SCFD2: variants seen among roughly 807,000 people sequenced by gnomAD.
SCFD2 encodes the protein sec1 family domain-containing protein 2.
A neutral mutation model predicts 58.9 loss-of-function variants in SCFD2; 54 were observed. The ratio of observed to expected loss-of-function variants is 0.92; its 90% CI spans 0.74 to 1.15. The LOEUF is 1.15. SCFD2 is among the 50% of genes most tolerant of loss of function. The probability of loss-of-function intolerance (pLI) is 0.00; values close to 1 mark genes in which losing one functional copy is unlikely to be tolerated. For missense variants in SCFD2, 805 were observed against 836.6 expected (o/e 0.96, Z 0.47); for synonymous variants, 321 against 335.9 (o/e 0.96, Z 0.49).
chr4:53,081,114 G>A (rs560350068), intron 5 of SCFD2, among the ~76,000 whole-genome samples: 47 of 152,224 alleles, frequency 3.1e-4, no homozygotes, highest in South Asian at 6.2e-4. Context: ...ATCTATACTT[G>A]AGCACACGTG....
intron 6 of SCFD2, among the ~76,000 whole-genome samples, chr4:52,910,177 G>C (rs1719447906): frequency 6.6e-6 from 1 of 152,166 alleles, no homozygotes; most frequent in Admixed American, 6.5e-5. Context: ...TTAAGGTTTG[G>C]GCAATGAGAT....
chr4:53,351,412 C>G (rs1318734813), intron 2 of SCFD2, among the ~76,000 whole-genome samples: 1 of 152,198 alleles, frequency 6.6e-6, no homozygotes, highest in Non-Finnish European at 1.5e-5. Flanking sequence ...AGAAATTATA[C>G]TCCATAGCAG....
At chr4:53,339,560 A>G (rs973825457) in intron 2 of SCFD2, among the ~76,000 whole-genome samples, 4 of 152,156 alleles carry the variant, frequency 2.6e-5, no homozygotes, top group Admixed American at 1.3e-4. Context: ...ACCTGAGGCC[A>G]GGAGTTCAAG....
At chr4:52,992,748 C>T (rs985787808) in intron 5 of SCFD2, among the ~76,000 whole-genome samples, 6 of 151,884 alleles carry the variant, frequency 4.0e-5, no homozygotes, top group African/African-American at 1.2e-4. Context: ...CCCCTCCGCC[C>T]GGCAGCCGCC....
intron 2 of SCFD2, among the ~76,000 whole-genome samples, chr4:53,336,456 G>A (rs965429996): frequency 2.0e-5 from 3 of 151,950 alleles, no homozygotes; most frequent in Non-Finnish European, 4.4e-5. Context: ...CTTCAACAAC[G>A]TAAACTAACC....
chr4:53,297,041 G>A (rs1323458319), intron 3 of SCFD2, among the ~76,000 whole-genome samples: 3 of 152,142 alleles, frequency 2.0e-5, no homozygotes, highest in East Asian at 3.8e-4. Context: ...ATTTTTTGAG[G>A]AGTGTTTTAC....
intron 2 of SCFD2, among the ~76,000 whole-genome samples, chr4:53,336,704 G>A (rs1018723071): frequency 2.0e-5 from 3 of 151,920 alleles, no homozygotes; most frequent in South Asian, 2.1e-4. Context: ...TTTTAGAGAC[G>A]GAGTCTTGGT....
chr4:53,002,148 G>C (rs984416175), intron 5 of SCFD2, among the ~76,000 whole-genome samples: 3 of 152,288 alleles, frequency 2.0e-5, no homozygotes, highest in African/African-American at 4.8e-5. Context: ...GCAGAGAAAG[G>C]CACCAAGAGA....
At chr4:53,130,042 C>T (rs1369904847) in intron 5 of SCFD2, among the ~76,000 whole-genome samples, 2 of 152,186 alleles carry the variant, frequency 1.3e-5, no homozygotes, top group African/African-American at 4.8e-5. Context: ...ATCCTGACTT[C>T]ACCACTATAC....
intron 4 of SCFD2, among the ~76,000 whole-genome samples, chr4:53,271,388 A>G (rs1731161812): frequency 1.3e-5 from 2 of 152,034 alleles, no homozygotes; most frequent in Admixed American, 1.3e-4. Context: ...AATAAATTGT[A>G]TATTTATGAT....
In SCFD2 at chr4:53,210,738, G is replaced by A. The variant is rs115291101; in HGVS notation, c.1311+63088C>T. 4.4e-3 allele frequency among the ~76,000 whole-genome samples: 675 copies of A among 151,968 alleles called. 7 individuals carry two copies. Among genetic ancestry groups the A allele is most frequent in the African/African-American group, 0.015 (636 of 41,382 alleles). ...GATTTTTGTCCATTGTTCCTGGCTC[G>A]TAACTCCCACAGCCTTTGTTACAGT... On this transcript the variant is annotated intron_variant, in intron 4 of 8. Transcript: ENST00000401642.
At chr4:53,270,053 A>C (rs569396958) in intron 4 of SCFD2, among the ~76,000 whole-genome samples, 1 of 152,116 alleles carries the variant, frequency 6.6e-6, no homozygotes, top group Non-Finnish European at 1.5e-5. Context: ...TCCTAATTTC[A>C]CCTGTGAGCA....
At chr4:52,878,976 G>A (rs571461338) in intron 8 of SCFD2, among the ~76,000 whole-genome samples, 6 of 151,730 alleles carry the variant, frequency 4.0e-5, no homozygotes, top group South Asian at 2.1e-4. Context: ...CTTCTCCTCC[G>A]TCTCCTTCCC....
chr4:53,232,948 C>T (rs769625118), intron 4 of SCFD2, among the ~76,000 whole-genome samples: 34 of 152,260 alleles, frequency 2.2e-4, no homozygotes, highest in Non-Finnish European at 3.8e-4. Flanking sequence ...AATCCATGCG[C>T]TAGCCCAACA....
chr4:53,322,219 G>C (rs1400362654), intron 2 of SCFD2, among the ~76,000 whole-genome samples: 1 of 152,184 alleles, frequency 6.6e-6, no homozygotes, highest in Non-Finnish European at 1.5e-5. Flanking sequence ...ACTGCAAGCT[G>C]TTTTAGCTTG....
chr4:53,164,799 A>AC (rs1258957501), intron 4 of SCFD2, among the ~76,000 whole-genome samples: 3 of 150,670 alleles, frequency 2.0e-5, no homozygotes, highest in African/African-American at 7.4e-5. Context: ...AAAAAAAAAA[A>AC]AAAAAAAGAA....
At chr4:53,043,935 C>T (rs776674452) in intron 5 of SCFD2, among the ~76,000 whole-genome samples, 6 of 152,102 alleles carry the variant, frequency 3.9e-5, no homozygotes, top group Non-Finnish European at 8.8e-5. Flanking sequence ...AATAGTAAAA[C>T]ATGTCACAGT....
At chr4:53,071,902 T>C (rs1723826705) in intron 5 of SCFD2, among the ~76,000 whole-genome samples, 2 of 152,164 alleles carry the variant, frequency 1.3e-5, no homozygotes, top group South Asian at 4.1e-4. Context: ...TACTTTTTGA[T>C]ACCAGATAGT....
chr4:53,063,278 G>A (rs928277935), intron 5 of SCFD2, among the ~76,000 whole-genome samples: 10 of 152,006 alleles, frequency 6.6e-5, no homozygotes, highest in African/African-American at 2.2e-4. Flanking sequence ...ATGTAAAACT[G>A]GGTAATCAAT....
Sources: allele counts gnomAD v4.1 joint callset (sites outside exome capture counted in the v4.1 genomes callset), GRCh38; gene constraint gnomAD v4.1.1; transcripts MANE v1.5; gene names NCBI Gene and HGNC (gene_info 2026-07-23, HGNC 2026-07-21).